The following HEXB variants were observed in gnomAD, a reference collection of about 807,000 sequenced individuals.
The protein encoded by HEXB is hexosaminidase subunit beta, also known as beta-hexosaminidase subunit beta.
HEXB carries 51 observed loss-of-function variants against 71.2 expected under a neutral mutation model. That is an observed-to-expected ratio of 0.72 (90% CI 0.57 to 0.90). HEXB has a LOEUF of 0.90. Among genes scored for constraint, HEXB ranks in the 40% least tolerant of loss-of-function variants. The probability of loss-of-function intolerance (pLI) is 0.00; values close to 1 mark genes in which losing one functional copy is unlikely to be tolerated. For synonymous variants in HEXB, 266 were observed against 249.3 expected (o/e 1.07, Z -0.63); for missense variants, 617 against 677.0 (o/e 0.91, Z 0.98).
At chr5:74,667,327 G>A (rs820851) in intron 1 of HEXB, among the ~76,000 whole-genome samples, 40,165 of 151,794 alleles carry the variant, frequency 0.26, 5,482 homozygotes, top group Non-Finnish European at 0.3. Context: ...GCTGAGGCAG[G>A]AGAATCACTT....
rs1296212432 is a variant in HEXB at position 74,718,357 on chromosome 5, A to G, written c.1236A>G (p.Lys412=). 6.2e-7 allele frequency: 1 copy of G among 1,603,336 alleles called. No individual in the cohort carries two copies. The highest frequency in any genetic ancestry group is 1.1e-5 in the South Asian group (1 of 90,884). ...TCTGGCAGGAGGTTTTTGATGATAAAGCAAAGGTGAGCATTGTGAAGACTG... is the reference window on the plus strand; with the variant it reads ...TCTGGCAGGAGGTTTTTGATGATAAGGCAAAGGTGAGCATTGTGAAGACTG... ...SIVWQEVFDD[K]AKLAPGTIVE... The change falls in exon 10 of 14, where the codon AAA becomes AAG. Residue 412 remains lysine (K), a synonymous_variant. Coordinates refer to ENST00000261416, the MANE Select transcript of HEXB (RefSeq NM_000521.4).
chr5:74,695,494 C>A (rs965936789), intron 3 of HEXB, among the ~76,000 whole-genome samples: 1 of 150,468 alleles, frequency 6.6e-6, no homozygotes, highest in Admixed American at 6.6e-5. Flanking sequence ...TGAGCCACTG[C>A]GCCCAGCCAA....
chr5:74,688,435 A>G (rs1748921999), intron 1 of HEXB, among the ~76,000 whole-genome samples: 2 of 151,974 alleles, frequency 1.3e-5, no homozygotes, highest in Middle Eastern at 3.2e-3. Context: ...CCCGGGTCCA[A>G]GCAGTTCTCC....
chr5:74,656,992 TC>T (rs1748232235), intron 1 of HEXB, among the ~76,000 whole-genome samples: 1 of 152,122 alleles, frequency 6.6e-6, no homozygotes, highest in Admixed American at 6.5e-5. Context: ...CCCTCTGGAT[TC>T]CATTGCTTTC....
At chr5:74,683,039 A>G (rs967482210), upstream of HEXB, among the ~76,000 whole-genome samples, 2 of 152,150 alleles carry the variant, frequency 1.3e-5, no homozygotes, top group African/African-American at 4.8e-5. Context: ...GGCAAAAAGG[A>G]TATGATCAAC....
chr5:74,643,039 G>T (rs1220389085), intron 1 of HEXB, among the ~76,000 whole-genome samples: 1 of 152,168 alleles, frequency 6.6e-6, no homozygotes, highest in Non-Finnish European at 1.5e-5. Context: ...ATTAGCTTAT[G>T]TAAGTCCTAA....
At chr5:74,685,202 G>A (rs906041936), upstream of HEXB, 15 of 1,440,302 alleles carry the variant, frequency 1.0e-5, no homozygotes, top group Admixed American at 2.7e-5. Context: ...CGGGCCGGGC[G>A]GGAAGTCGGG....
Position 74,713,591 on chromosome 5 carries a change from T to A in HEXB, c.857T>A (p.Leu286Gln), listed in dbSNP as rs1749603278. 6.2e-7 allele frequency: 1 copy of A among 1,613,410 alleles called. No individual in the cohort carries two copies. The highest frequency in any genetic ancestry group is 8.5e-7 in the Non-Finnish European group (1 of 1,179,410). Residue 286 changes from leucine to glutamine, a missense_variant, in exon 7 of 14, where the codon CTG (leucine) becomes CAG (glutamine). Physicochemically the swap from Leu to Gln is moderately radical, Grantham distance 113. Transcript: ENST00000261416. The part of the protein sequence containing the change: ...EYARLRGIRV[L>Q]PEFDTPGHTL... ...GCCAGATTACGAGGAATTCGAGTCC[T>A]GCCAGAATTTGATACCCCTGGGCAT... is the stretch of plus-strand genomic sequence containing the variant.
At chr5:74,703,798 T>C (rs1431122345) in intron 5 of HEXB, among the ~76,000 whole-genome samples, 2 of 152,132 alleles carry the variant, frequency 1.3e-5, no homozygotes, top group East Asian at 3.9e-4. Context: ...CCAGAATGGA[T>C]GGGACTACCG....
chr5:74,686,690 T>A (rs1183068825), intron 1 of HEXB, among the ~76,000 whole-genome samples: 3 of 152,200 alleles, frequency 2.0e-5, no homozygotes, highest in Admixed American at 2.0e-4. Flanking sequence ...GTCTCTATTT[T>A]AGACACACAC....
intron 3 of HEXB, among the ~76,000 whole-genome samples, chr5:74,696,253 A>T (rs1034437818): frequency 1.3e-5 from 2 of 152,228 alleles, no homozygotes; most frequent in Non-Finnish European, 2.9e-5. Flanking sequence ...TGTATATTGT[A>T]AATTGGCCTT....
At chr5:74,700,060 G>A (rs1749226047) in intron 5 of HEXB, among the ~76,000 whole-genome samples, 1 of 123,346 alleles carries the variant, frequency 8.1e-6, no homozygotes, top group Admixed American at 1.0e-4. Flanking sequence ...AGACTGGAGT[G>A]CAGTGGCACA....
intron 2 of HEXB, among the ~76,000 whole-genome samples, chr5:74,691,489 A>G (rs1467947757): frequency 6.6e-6 from 1 of 152,240 alleles, no homozygotes; most frequent in East Asian, 1.9e-4. Flanking sequence ...AACAGTTAAG[A>G]ATAAAGAAGC....
chr5:74,690,106 A>C (rs1274689333), intron 2 of HEXB, among the ~76,000 whole-genome samples: 1 of 152,162 alleles, frequency 6.6e-6, no homozygotes, highest in Non-Finnish European at 1.5e-5. Flanking sequence ...TGGGTACAGC[A>C]GTTTCATTTG....
At chr5:74,720,989 T>G (rs1749831596) in intron 13 of HEXB, 129 bp from the exon 14 acceptor site, 1 of 893,672 alleles carries the variant, frequency 1.1e-6, no homozygotes, top group South Asian at 1.5e-5. Context: ...TTCCCTTATT[T>G]TCAGTAATGC....
intron 2 of HEXB, 83 bp downstream of exon 2, chr5:74,689,556 G>GA (rs1748949357): frequency 6.5e-6 from 7 of 1,071,000 alleles, no homozygotes; most frequent in Non-Finnish European, 8.8e-6. Flanking sequence ...TCCATGCTAG[G>GA]AACCACTGAG....
At chr5:74,649,977 A>T (rs1748073149) in intron 1 of HEXB, among the ~76,000 whole-genome samples, 1 of 152,244 alleles carries the variant, frequency 6.6e-6, no homozygotes, top group African/African-American at 2.4e-5. Context: ...TGAAATCTGT[A>T]ATCCAAATGT....
intron 10 of HEXB, 96 bp from the exon 11 acceptor site, chr5:74,718,681 CAGATTTTTTTTAAGGATCTT>C: frequency 9.4e-7 from 1 of 1,067,402 alleles, no homozygotes. Flanking sequence ...AAAGAAAATG[CAGATTTTTTTTAAGGATCTT>C]AGAAAATTAT....
intron 6 of HEXB, among the ~76,000 whole-genome samples, chr5:74,706,699 A>G (rs970378314): frequency 4.6e-5 from 7 of 152,106 alleles, no homozygotes; most frequent in African/African-American, 1.7e-4. Context: ...GATTGCTAGC[A>G]CAGAAGTCTG....
Sources: gnomAD v4.1 joint callset for allele counts (sites outside exome capture counted in the v4.1 genomes callset) on GRCh38, gnomAD v4.1.1 for gene constraint, MANE v1.5 for transcripts, NCBI Gene and HGNC (gene_info 2026-07-23, HGNC 2026-07-21) for gene names.